Variants in FAM91A1 observed in about 807,000 individuals in gnomAD.
The protein encoded by FAM91A1 is protein FAM91A1.
In FAM91A1, 41 loss-of-function variants were observed where a neutral mutation model predicts 113.5. The observed-to-expected ratio is 0.36, with a 90% CI of 0.28 to 0.47. The LOEUF is 0.47. Ranked by LOEUF, FAM91A1 falls within the 20% of genes least tolerant of loss-of-function variation. The probability of loss-of-function intolerance (pLI) is 1.00; values close to 1 mark genes in which losing one functional copy is unlikely to be tolerated. For synonymous variants in FAM91A1, 307 were observed against 347.9 expected (o/e 0.88, Z 1.31); for missense variants, 696 against 1,001.2 (o/e 0.70, Z 4.11).
intron 2 of FAM91A1, 101 bp downstream of exon 2, chr8:123,774,265 C>G: frequency 1.1e-6 from 1 of 910,082 alleles, no homozygotes; most frequent in Non-Finnish European, 1.7e-6. Flanking sequence ...TGAGATTATT[C>G]CATGTACAGA....
chr8:123,773,109 C>T (rs927230594), intron 1 of FAM91A1, among the ~76,000 whole-genome samples: 6 of 152,188 alleles, frequency 3.9e-5, no homozygotes, highest in Admixed American at 6.5e-5. Flanking sequence ...AAATGGGACA[C>T]ATCATGTTCT....
intron 18 of FAM91A1, among the ~76,000 whole-genome samples, chr8:123,802,242 G>A (rs1180963129): frequency 1.3e-5 from 2 of 152,100 alleles, no homozygotes; most frequent in South Asian, 2.1e-4. Flanking sequence ...AAGATAGCCC[G>A]GATCAAGGAC....
intron 1 of FAM91A1, among the ~76,000 whole-genome samples, chr8:123,770,601 T>A (rs72715027): frequency 0.015 from 2,344 of 152,308 alleles, 33 homozygotes; most frequent in Middle Eastern, 0.024. Flanking sequence ...TTTCTTTGTT[T>A]CCATTTTTTC....
chr8:123,768,847 C>A, intron 1 of FAM91A1, 73 bp downstream of exon 1: 1 of 1,484,818 alleles, frequency 6.7e-7, no homozygotes, highest in Non-Finnish European at 9.3e-7. Context: ...GCCTCGCTCG[C>A]GGGGCCCGAG....
At chr8:123,785,946 T>A in intron 11 of FAM91A1, 1 of 469,810 alleles carries the variant, frequency 2.1e-6, no homozygotes, top group Non-Finnish European at 4.0e-6. Flanking sequence ...GCCTCCTGAG[T>A]AGTGGGGACT....
At chr8:123,811,473 A>T (rs1009469619) in intron 23 of FAM91A1, 2 of 152,200 alleles carry the variant, frequency 1.3e-5, no homozygotes, top group African/African-American at 4.8e-5. Flanking sequence ...TGTGGCAGTG[A>T]AGGCCTTGGC....
At chr8:123,788,401 T>G (rs538608104) in intron 14 of FAM91A1, among the ~76,000 whole-genome samples, 2 of 152,268 alleles carry the variant, frequency 1.3e-5, no homozygotes, top group East Asian at 3.9e-4. Context: ...GTGCCTTTTG[T>G]GCTTTATGAT....
chr8:123,793,491 C>T (rs73703661), intron 15 of FAM91A1, among the ~76,000 whole-genome samples: 2,943 of 152,234 alleles, frequency 0.019, 93 homozygotes, highest in African/African-American at 0.066. Context: ...CAGTAGTCTG[C>T]GATTAGTCAT....
rs751167684 is a variant in FAM91A1 at position 123,808,879 on chromosome 8, G to A, written c.2138-14G>A. ...ATATATGATAAAAAAATAAGTTTAT[G>A]TATCCTTTCTTAGGTGCCACAACAG... On this transcript the variant is annotated splice_polypyrimidine_tract_variant and intron_variant, in intron 21 of 23. Coordinates refer to ENST00000334705, the MANE Select transcript of FAM91A1 (RefSeq NM_144963.4). 1.0e-4 allele frequency: 161 copies of A among 1,603,548 alleles called. No homozygotes were observed. The highest frequency in any genetic ancestry group is 3.2e-5 in the Non-Finnish European group (38 of 1,175,304).
chr8:123,772,442 C>G (rs964460446), intron 1 of FAM91A1, among the ~76,000 whole-genome samples: 1 of 152,090 alleles, frequency 6.6e-6, no homozygotes, highest in Non-Finnish European at 1.5e-5. Flanking sequence ...GTACAACGAC[C>G]CTGGCATTGA....
intron 15 of FAM91A1, among the ~76,000 whole-genome samples, chr8:123,791,103 C>T (rs1444219891): frequency 1.3e-5 from 2 of 152,164 alleles, no homozygotes; most frequent in African/African-American, 4.8e-5. Flanking sequence ...AATACATTGT[C>T]CTTTCCTGCC....
At chr8:123,770,821 A>G (rs2130029171) in intron 1 of FAM91A1, among the ~76,000 whole-genome samples, 1 of 152,352 alleles carries the variant, frequency 6.6e-6, no homozygotes, top group South Asian at 2.1e-4. Flanking sequence ...CTTGAAAAAC[A>G]GTGGCTATTT....
chr8:123,811,435 A>G (rs1201373432), intron 23 of FAM91A1: 2 of 152,218 alleles, frequency 1.3e-5, no homozygotes, highest in African/African-American at 4.8e-5. Flanking sequence ...GAAAAATTTC[A>G]AAATTCTGTC....
chr8:123,784,572 C>G lies in FAM91A1; in HGVS notation c.806C>G (p.Ala269Gly). The G allele has an allele frequency of 6.3e-7, 1 of 1,593,656 alleles. No individual in the cohort carries two copies. Among genetic ancestry groups the G allele is most frequent in the Non-Finnish European group, 8.5e-7 (1 of 1,171,442 alleles). The stretch of plus-strand genomic sequence containing the variant: ...TCAATAGATGAGCACACAAATGTTG[C>G]AGAGGTAAGTTTGACAACGTCTCAT... ...FVSIDEHTNV[A>G]ELANVLEIDL... is the part of the protein sequence containing the mutation. Residue 269 changes from alanine (A) to glycine (G), a missense_variant, in exon 9 of 24, where the codon GCA becomes GGA. Coordinates refer to ENST00000334705, the MANE Select transcript of FAM91A1 (RefSeq NM_144963.4).
intron 5 of FAM91A1, 135 bp downstream of exon 5, chr8:123,778,227 ACTC>A (rs1815035623): frequency 3.3e-6 from 2 of 613,330 alleles, no homozygotes; most frequent in Non-Finnish European, 5.5e-6. Context: ...TACAAAAAAA[ACTC>A]CTCAGTATTC....
chr8:123,777,715 A>G (rs1276612601), intron 4 of FAM91A1, among the ~76,000 whole-genome samples: 2 of 152,224 alleles, frequency 1.3e-5, no homozygotes, highest in African/African-American at 2.4e-5. Context: ...GGCAAAGTGT[A>G]TATTTTGAAT....
rs1815982038 is a variant in FAM91A1, at chr8:123,812,502, G to A, written c.2332-17G>A. 2 of 1,558,076 alleles carry A rather than the reference G, an allele frequency of 1.3e-6. No individual in the cohort carries two copies. The highest frequency in any genetic ancestry group is 4.1e-5 in the Admixed American group (2 of 48,288). ...TAAAGTGTTGAATATCATTTCTCTT[G>A]TTTCTTGATCTTTTAGGAAGGTGCT... On this transcript the variant is annotated splice_polypyrimidine_tract_variant and intron_variant, in intron 23 of 23. Coordinates refer to ENST00000334705, the MANE Select transcript of FAM91A1 (RefSeq NM_144963.4).
intron 13 of FAM91A1, 50 bp downstream of exon 13, chr8:123,787,423 A>T: frequency 7.5e-7 from 1 of 1,331,616 alleles, no homozygotes; most frequent in Non-Finnish European, 1.1e-6. Context: ...TAAATACTAG[A>T]TATAAAATAA....
intron 15 of FAM91A1, among the ~76,000 whole-genome samples, chr8:123,790,257 A>G (rs148087242): frequency 6.6e-6 from 1 of 152,370 alleles, no homozygotes; most frequent in East Asian, 1.9e-4. Context: ...GATGAACTTT[A>G]ATGGAGCTGT....
Sources: allele counts gnomAD v4.1 joint callset (sites outside exome capture counted in the v4.1 genomes callset), GRCh38; gene constraint gnomAD v4.1.1; transcripts MANE v1.5; gene names NCBI Gene and HGNC (gene_info 2026-07-23, HGNC 2026-07-21).